Variants in L3MBTL4 observed in about 807,000 individuals in gnomAD.
L3MBTL4 encodes lethal(3)malignant brain tumor-like protein 4.
In L3MBTL4, 70 loss-of-function variants were observed where a neutral mutation model predicts 84.5. The observed-to-expected ratio is 0.83, with a 90% CI of 0.68 to 1.01. L3MBTL4 has a LOEUF of 1.01. Ranked by LOEUF, L3MBTL4 falls within the 50% of genes least tolerant of loss-of-function variation. The pLI is 0.00. For synonymous variants in L3MBTL4, 274 were observed against 259.8 expected, an observed-to-expected ratio of 1.05 and a Z score of -0.52; for missense variants, 715 against 754.8, an observed-to-expected ratio of 0.95 and a Z score of 0.62.
intron 17 of L3MBTL4, among the ~76,000 whole-genome samples, chr18:5,966,530 T>G (rs2052362202): frequency 6.6e-6 from 1 of 152,088 alleles, no homozygotes; most frequent in African/African-American, 2.4e-5. Context: ...CGACCCATCC[T>G]CACCCTATCT....
intron 1 of L3MBTL4, among the ~76,000 whole-genome samples, chr18:6,362,154 G>C (rs1192807359): frequency 3.3e-5 from 2 of 61,178 alleles, no homozygotes; most frequent in Non-Finnish European, 5.6e-5. Flanking sequence ...GGGGAGGGGG[G>C]GAAGAGAAGG....
chr18:5,999,353 G>A (rs1173149646), intron 16 of L3MBTL4, among the ~76,000 whole-genome samples: 3 of 152,126 alleles, frequency 2.0e-5, no homozygotes, highest in Non-Finnish European at 4.4e-5. Flanking sequence ...TTGGTTTGAG[G>A]TTGCAAAGCA....
chr18:5,995,192 A>G (rs2053896618), intron 16 of L3MBTL4, among the ~76,000 whole-genome samples: 1 of 152,270 alleles, frequency 6.6e-6, no homozygotes. Context: ...CGACCACGCC[A>G]TGCAGGGATA....
At chr18:6,205,594 C>G (rs970283539) in intron 12 of L3MBTL4, among the ~76,000 whole-genome samples, 1 of 152,104 alleles carries the variant, frequency 6.6e-6, no homozygotes, top group East Asian at 1.9e-4. Context: ...ATATATTAAT[C>G]TTGTATAAAA....
intron 12 of L3MBTL4, among the ~76,000 whole-genome samples, chr18:6,175,385 A>C (rs1228712331): frequency 6.6e-6 from 1 of 150,536 alleles, no homozygotes; most frequent in Admixed American, 6.6e-5. Context: ...TCAGATAAAC[A>C]AAAAAAAAGA....
intron 9 of L3MBTL4, among the ~76,000 whole-genome samples, chr18:6,238,394 G>A (rs572273685): frequency 1.3e-5 from 2 of 152,272 alleles, no homozygotes; most frequent in African/African-American, 4.8e-5. Flanking sequence ...TTAGCCAGGT[G>A]TGGTGGCGGG....
chr18:6,037,554 A>G (rs1328899556), intron 16 of L3MBTL4, among the ~76,000 whole-genome samples: 2 of 152,250 alleles, frequency 1.3e-5, no homozygotes, highest in Non-Finnish European at 2.9e-5. Flanking sequence ...CACGCTCTAC[A>G]TGGAAATTTG....
chr18:6,072,601 G>A (rs898320767), intron 16 of L3MBTL4, among the ~76,000 whole-genome samples: 5 of 151,226 alleles, frequency 3.3e-5, no homozygotes, highest in African/African-American at 1.2e-4. Flanking sequence ...AGCACTCTGG[G>A]AGGCCGAGGC....
intron 16 of L3MBTL4, among the ~76,000 whole-genome samples, chr18:6,039,289 C>T (rs1359375208): frequency 6.6e-6 from 1 of 151,996 alleles, no homozygotes; most frequent in Non-Finnish European, 1.5e-5. Flanking sequence ...CTAGGATTGC[C>T]TGTGATTAAA....
At chr18:6,390,464 G>GAAATAA (rs756414687) in intron 1 of L3MBTL4, among the ~76,000 whole-genome samples, 3 of 152,086 alleles carry the variant, frequency 2.0e-5, no homozygotes, top group African/African-American at 7.2e-5. Flanking sequence ...CAGAAGAAAA[G>GAAATAA]AAATAACAAG....
chr18:6,168,191 G>A (rs1019043632), intron 13 of L3MBTL4, among the ~76,000 whole-genome samples: 6 of 152,092 alleles, frequency 3.9e-5, no homozygotes, highest in Non-Finnish European at 7.4e-5. Context: ...ACAAACAAAT[G>A]GAAGAACATT....
intron 12 of L3MBTL4, among the ~76,000 whole-genome samples, chr18:6,180,563 C>A (rs1021444504): frequency 6.6e-6 from 1 of 152,176 alleles, no homozygotes; most frequent in Admixed American, 6.5e-5. Context: ...TTTCCCATAA[C>A]AAATATCATA....
At chr18:6,067,202 T>C (rs759903175) in intron 16 of L3MBTL4, among the ~76,000 whole-genome samples, 6 of 152,184 alleles carry the variant, frequency 3.9e-5, no homozygotes, top group Non-Finnish European at 7.3e-5. Flanking sequence ...ATAGGTCACC[T>C]TATGCTTTTG....
chr18:5,997,196 A>C lies in L3MBTL4; in HGVS notation c.1445-27634T>G, dbSNP rs2054013761. Among the ~76,000 whole-genome samples, 2 of 150,810 alleles carry C rather than the reference A, an allele frequency of 1.3e-5. 1 individual carries two copies. Among genetic ancestry groups the C allele is most frequent in the African/African-American group, 5.0e-5 (2 of 40,088 alleles). On this transcript the variant is annotated intron_variant, in intron 16 of 18. Transcript: ENST00000317931. ...CTAGAGATGATTTTAAGTATGTGAA[A>C]GGAAAATAAATCTCAGGTCCCCAAA...
At chr18:6,209,603 A>AGTT (rs2046019428) in intron 12 of L3MBTL4, among the ~76,000 whole-genome samples, 1 of 152,174 alleles carries the variant, frequency 6.6e-6, no homozygotes, top group African/African-American at 2.4e-5. Context: ...TCAAAATCTG[A>AGTT]AATATAGAGT....
intron 12 of L3MBTL4, among the ~76,000 whole-genome samples, chr18:6,206,322 T>A (rs1324495035): frequency 6.6e-6 from 1 of 152,216 alleles, no homozygotes; most frequent in Non-Finnish European, 1.5e-5. Flanking sequence ...GAACAACTAG[T>A]GCTACATCAT....
At chr18:6,032,859 A>G (rs189046405) in intron 16 of L3MBTL4, among the ~76,000 whole-genome samples, 1 of 152,320 alleles carries the variant, frequency 6.6e-6, no homozygotes, top group East Asian at 1.9e-4. Flanking sequence ...GTTTTGTAGC[A>G]TATGTGCAAA....
chr18:6,322,914 G>A (rs1206180047), intron 1 of L3MBTL4, among the ~76,000 whole-genome samples: 1 of 152,152 alleles, frequency 6.6e-6, no homozygotes, highest in African/African-American at 2.4e-5. Flanking sequence ...AGTGTTGGAG[G>A]TGGGGCCTTG....
In L3MBTL4 at chr18:6,291,254, G is replaced by C. The variant is rs564299114; in HGVS notation, c.127+10649C>G. ...AACTCCAGCCTAAGAAATCCTTTCA[G>C]TTCATCTAGTTGGCAACCTTGACAA... is the stretch of plus-strand genomic sequence containing the variant. On this transcript the variant is annotated intron_variant, in intron 4 of 18. Coordinates refer to ENST00000317931, the MANE Select transcript of L3MBTL4 (RefSeq NM_001330559.2). Among the ~76,000 whole-genome samples the C allele has an allele frequency of 2.0e-5, 3 of 152,270 alleles. No homozygotes were observed. In the South Asian group the frequency reaches 6.2e-4, roughly 32 times the overall value.
Sources: allele counts gnomAD v4.1 joint callset (sites outside exome capture counted in the v4.1 genomes callset), GRCh38; gene constraint gnomAD v4.1.1; transcripts MANE v1.5; gene names NCBI Gene and HGNC (gene_info 2026-07-23, HGNC 2026-07-21).